The following CFAP251 variants were observed in gnomAD, a reference collection of about 807,000 sequenced individuals.
The protein encoded by CFAP251 is cilia and flagella associated protein 251.
A neutral mutation model predicts 126.7 loss-of-function variants in CFAP251; 93 were observed. The observed-to-expected ratio is 0.73, with a 90% CI of 0.62 to 0.87. CFAP251 has a LOEUF of 0.87. Ranked by LOEUF, CFAP251 falls within the 40% of genes least tolerant of loss-of-function variation. The probability of loss-of-function intolerance (pLI) is 0.00; values close to 1 mark genes in which losing one functional copy is unlikely to be tolerated. For missense variants in CFAP251, 1,287 were observed against 1,389.2 expected, an observed-to-expected ratio of 0.93 and a Z score of 1.17; for synonymous variants, 503 against 506.9, an observed-to-expected ratio of 0.99 and a Z score of 0.10.
chr12:121,934,368 G>A lies in CFAP251; in HGVS notation c.998+12G>A. 1 of 1,594,100 alleles carries A rather than the reference G, an allele frequency of 6.3e-7. No individual in the cohort carries two copies. The highest frequency in any genetic ancestry group is 8.6e-7 in the Non-Finnish European group (1 of 1,163,386). ...GACTCCTTCACAGGGTAGGCTTTGT[G>A]TAGCCACTTCTTTTTTCCCTGAATT... On this transcript the variant is annotated intron_variant, in intron 5 of 21. Transcript: ENST00000288912.
rs781315699 is a variant in CFAP251 at position 121,954,155 on chromosome 12, C to T, written c.1356C>T (p.Ser452=). ...FNKLVGKFSQ[S]IFHLNLTQIL... is the part of the protein sequence containing the mutation. ...AGCTTGTGGGAAAGTTTAGCCAGTCCATCTTTCACTTGAATTTAACACAAA... is the reference window on the plus strand; with the variant it reads ...AGCTTGTGGGAAAGTTTAGCCAGTCTATCTTTCACTTGAATTTAACACAAA... Residue 452 remains serine (S), a synonymous_variant, in exon 10 of 22, where the codon TCC becomes TCT. Transcript: ENST00000288912. 1.1e-5 allele frequency: 18 copies of T among 1,613,938 alleles called. 1 individual carries two copies. Among genetic ancestry groups the T allele is most frequent in the South Asian group, 4.4e-5 (4 of 91,082 alleles).
At chr12:121,931,133 C>T (rs1880668997) in intron 3 of CFAP251, among the ~76,000 whole-genome samples, 1 of 152,178 alleles carries the variant, frequency 6.6e-6, no homozygotes, top group African/African-American at 2.4e-5. Context: ...TGGAATTTCA[C>T]AACGTTAGGT....
intron 15 of CFAP251, among the ~76,000 whole-genome samples, chr12:121,965,344 G>T (rs796510076): frequency 6.6e-6 from 1 of 152,216 alleles, no homozygotes; most frequent in African/African-American, 2.4e-5. Flanking sequence ...CTGGGGGCGG[G>T]TGTGAATCAG....
At chr12:121,995,849 G>A (rs572318592) in intron 19 of CFAP251, among the ~76,000 whole-genome samples, 28 of 151,970 alleles carry the variant, frequency 1.8e-4, no homozygotes, top group Admixed American at 1.0e-3. Flanking sequence ...TAGATACAGC[G>A]TTAAAGGAAA....
rs1265607569 is a variant in CFAP251, at chr12:121,960,695, G to A, written c.2244G>A (p.Leu748=). The part of the protein sequence containing the change: ...RSHRKSIRSL[L]FGVYLDSNEP... ...ATCGCAAAAGCATTCGAAGTCTCCT[G>A]TTTGGGGTTTACCTGGACAGCAATG... The change falls in exon 14 of 22, where the codon CTG becomes CTA. Residue 748 remains leucine, a synonymous_variant. Coordinates refer to ENST00000288912, the MANE Select transcript of CFAP251 (RefSeq NM_144668.6). 1.2e-6 allele frequency: 2 copies of A among 1,613,936 alleles called. No individual in the cohort carries two copies. Among genetic ancestry groups the A allele is most frequent in the Non-Finnish European group, 1.7e-6 (2 of 1,179,964 alleles).
intron 19 of CFAP251, among the ~76,000 whole-genome samples, chr12:121,991,959 C>A (rs1299786244): frequency 6.6e-6 from 1 of 152,104 alleles, no homozygotes; most frequent in Non-Finnish European, 1.5e-5. Flanking sequence ...CGCCACTGGA[C>A]TCCTGCCTGG....
intron 19 of CFAP251, among the ~76,000 whole-genome samples, chr12:121,992,957 C>CTCTCCCTCTCCCTCTCCCTCTCCG (rs1565925016): frequency 5.0e-5 from 5 of 100,584 alleles, no homozygotes; most frequent in South Asian, 3.1e-4. Context: ...CTCCCTCTCC[C>CTCTCCCTCTCCCTCTCCCTCTCCG]TCTCCCACTC....
At chr12:121,942,815 G>C in intron 6 of CFAP251, 80 bp from the exon 7 acceptor site, 1 of 1,497,204 alleles carries the variant, frequency 6.7e-7, no homozygotes, top group East Asian at 2.3e-5. Context: ...TTGAAGTTTT[G>C]GGGTCACCAC....
intron 17 of CFAP251, chr12:121,969,660 A>C (rs1205952582): frequency 2.3e-6 from 2 of 863,880 alleles, no homozygotes; most frequent in Non-Finnish European, 2.8e-6. Context: ...TAACTTTAAA[A>C]AAATTTTTTT....
At chr12:121,950,524 G>C (rs1454106377) in intron 8 of CFAP251, 3 of 152,140 alleles carry the variant, frequency 2.0e-5, no homozygotes, top group Non-Finnish European at 4.4e-5. Context: ...CTGATTGTGA[G>C]TGATAGTCAT....
At chr12:121,930,933 G>C (rs1263047146) in intron 3 of CFAP251, among the ~76,000 whole-genome samples, 25 of 151,980 alleles carry the variant, frequency 1.6e-4, no homozygotes, top group Non-Finnish European at 1.5e-5. Context: ...GTTTTTAGTA[G>C]AGATGAGGTT....
Position 121,954,789 on chromosome 12 carries a change from G to A in CFAP251, c.1535+455G>A, listed in dbSNP as rs77578106. 8.0e-3 allele frequency among the ~76,000 whole-genome samples: 1,217 copies of A among 151,886 alleles called. 17 individuals are homozygous for A. The highest frequency in any genetic ancestry group is 0.027 in the African/African-American group (1,134 of 41,404). On this transcript the variant is annotated intron_variant, in intron 10 of 21. Coordinates refer to ENST00000288912, the MANE Select transcript of CFAP251 (RefSeq NM_144668.6). Reference sequence around the variant, plus strand: ...ACTGAGAACTAAGATCAGGGATGGGGGTGGATTTACTTCTTTTTATAGTTC... The same window carrying A: ...ACTGAGAACTAAGATCAGGGATGGGAGTGGATTTACTTCTTTTTATAGTTC...
At chr12:121,934,989 A>G (rs1880834741) in intron 5 of CFAP251, among the ~76,000 whole-genome samples, 1 of 152,094 alleles carries the variant, frequency 6.6e-6, no homozygotes, top group Non-Finnish European at 1.5e-5. Context: ...TTTTGTAGAG[A>G]GGAAGTCTTG....
At chr12:121,940,039 G>A (rs1328771060) in intron 5 of CFAP251, among the ~76,000 whole-genome samples, 2 of 152,058 alleles carry the variant, frequency 1.3e-5, no homozygotes, top group Non-Finnish European at 2.9e-5. Flanking sequence ...CATAAATATG[G>A]TAAATCTTAA....
At chr12:121,991,838 C>G (rs1882881644) in intron 19 of CFAP251, among the ~76,000 whole-genome samples, 1 of 152,040 alleles carries the variant, frequency 6.6e-6, no homozygotes, top group African/African-American at 2.4e-5. Flanking sequence ...ACTAAAAATA[C>G]AAAAATTAGC....
At chr12:121,977,762 T>C (rs1315793744) in intron 19 of CFAP251, among the ~76,000 whole-genome samples, 6 of 150,720 alleles carry the variant, frequency 4.0e-5, no homozygotes, top group South Asian at 2.1e-4. Flanking sequence ...GAGACCATCC[T>C]GGCTAACACG....
At chr12:121,934,447 C>G in intron 5 of CFAP251, 91 bp downstream of exon 5, 1 of 975,732 alleles carries the variant, frequency 1.0e-6, no homozygotes, top group Non-Finnish European at 1.6e-6. Context: ...ATGCCAATGC[C>G]TAGAAATTTG....
chr12:121,985,005 T>C (rs982320254), intron 19 of CFAP251, among the ~76,000 whole-genome samples: 5 of 152,158 alleles, frequency 3.3e-5, no homozygotes, highest in African/African-American at 1.2e-4. Context: ...TGATGCTCAT[T>C]GGTCATATTC....
intron 4 of CFAP251, among the ~76,000 whole-genome samples, 153 bp from the exon 5 acceptor site, chr12:121,934,094 A>G (rs1206371864): frequency 6.6e-6 from 1 of 152,196 alleles, no homozygotes; most frequent in East Asian, 1.9e-4. Flanking sequence ...GAAGTGGAGA[A>G]ACACCCAGGA....
Sources: gnomAD v4.1 joint callset for allele counts (sites outside exome capture counted in the v4.1 genomes callset) on GRCh38, gnomAD v4.1.1 for gene constraint, MANE v1.5 for transcripts, NCBI Gene and HGNC (gene_info 2026-07-23, HGNC 2026-07-21) for gene names.